DCAF8L2: variants seen among roughly 807,000 people sequenced by gnomAD.
DCAF8L2 encodes the protein DDB1 and CUL4 associated factor 8 like 2.
For synonymous variants in DCAF8L2, 200 were observed against 190.9 expected, an observed-to-expected ratio of 1.05 and a Z score of -0.39; for missense variants, 430 against 490.7, an observed-to-expected ratio of 0.88 and a Z score of 1.17.
intron 1 of DCAF8L2, among the ~76,000 whole-genome samples, chrX:27,592,411 GTTTTTGTTTTT>G (rs1271493206): frequency 1.2e-4 from 6 of 51,647 alleles, no homozygotes; most frequent in Non-Finnish European, 2.1e-4. Flanking sequence ...TTTTTTGTTT[GTTTTTGTTTTT>G]TTTTTTTTTG....
chrX:27,601,902 A>G (rs1267901888), intron 1 of DCAF8L2, among the ~76,000 whole-genome samples: 1 of 111,366 alleles, frequency 9.0e-6, no homozygotes, highest in African/African-American at 3.3e-5. Context: ...GGAAGGCACC[A>G]GCAAAGAAAC....
At chrX:27,603,451 A>G (rs1236589509) in intron 1 of DCAF8L2, among the ~76,000 whole-genome samples, 1 of 111,690 alleles carries the variant, frequency 9.0e-6, no homozygotes, top group Non-Finnish European at 1.9e-5. Context: ...TTCTCCACTT[A>G]TTCAACCAAA....
the DCAF8L2 span, among the ~76,000 whole-genome samples, chrX:27,576,661 G>T: frequency 1.8e-5 from 2 of 111,772 alleles, no homozygotes; most frequent in Non-Finnish European, 3.8e-5. Context: ...AAATAAGCCA[G>T]TGCAAAAATA....
chrX:27,618,998 AT>A (rs1478080102), intron 1 of DCAF8L2, among the ~76,000 whole-genome samples: 6 of 79,561 alleles, frequency 7.5e-5, no homozygotes, highest in African/African-American at 2.6e-4. Flanking sequence ...ATCTATATCT[AT>A]ATCTAATCTA....
At chrX:27,701,255 T>A (rs1202126967) in intron 3 of DCAF8L2, among the ~76,000 whole-genome samples, 1 of 111,519 alleles carries the variant, frequency 9.0e-6, no homozygotes, top group Non-Finnish European at 1.9e-5. Context: ...AAGATTATCA[T>A]GGCATTGTAT....
intron 1 of DCAF8L2, among the ~76,000 whole-genome samples, chrX:27,603,867 A>G (rs758835015): frequency 8.9e-5 from 10 of 111,965 alleles, no homozygotes; most frequent in African/African-American, 9.7e-5. Context: ...ACTCATTGAC[A>G]TGTTGAGAGA....
intron 4 of DCAF8L2, among the ~76,000 whole-genome samples, chrX:27,717,733 A>C (rs1313823793): frequency 1.8e-5 from 2 of 112,096 alleles, no homozygotes; most frequent in Non-Finnish European, 1.9e-5. Flanking sequence ...CTTTAATTAG[A>C]TATCATTTGT....
At chrX:27,697,394 G>A (rs1185705108) in intron 3 of DCAF8L2, among the ~76,000 whole-genome samples, 2 of 111,316 alleles carry the variant, frequency 1.8e-5, no homozygotes, top group Non-Finnish European at 3.8e-5. Context: ...GGGGATTGGG[G>A]AAATGAGAAT....
chrX:27,495,220 T>C, the DCAF8L2 span, among the ~76,000 whole-genome samples: 1 of 112,098 alleles, frequency 8.9e-6, no homozygotes, highest in Non-Finnish European at 1.9e-5. Flanking sequence ...TGATCAAAAA[T>C]GAATAGATGT....
At chrX:27,731,053 C>T (rs746293807) in intron 4 of DCAF8L2, among the ~76,000 whole-genome samples, 3 of 110,773 alleles carry the variant, frequency 2.7e-5, no homozygotes, top group Admixed American at 9.7e-5. Flanking sequence ...AGCCAGTTTG[C>T]GCTGCTGTAA....
intron 1 of DCAF8L2, among the ~76,000 whole-genome samples, chrX:27,627,073 CAAA>C (rs766269451): frequency 3.3e-5 from 1 of 30,704 alleles, no homozygotes; most frequent in Non-Finnish European, 6.8e-5. Context: ...ATGTTAAGAC[CAAA>C]AAAAAAAAAA....
At chrX:27,658,146 C>T (rs770282920) in intron 2 of DCAF8L2, among the ~76,000 whole-genome samples, 2 of 111,921 alleles carry the variant, frequency 1.8e-5, no homozygotes, top group Admixed American at 1.9e-4. Context: ...TACTTGAATC[C>T]GAAAAGTAAG....
At chrX:27,650,151 T>C (rs925650064) in intron 2 of DCAF8L2, among the ~76,000 whole-genome samples, 7 of 111,650 alleles carry the variant, frequency 6.3e-5, no homozygotes, top group African/African-American at 2.3e-4. Context: ...TCCATTGGTC[T>C]ATGTGTCTGT....
intron 1 of DCAF8L2, among the ~76,000 whole-genome samples, chrX:27,628,691 C>T (rs1218472693): frequency 9.2e-6 from 1 of 109,096 alleles, no homozygotes; most frequent in Non-Finnish European, 1.9e-5. Context: ...GCAAGCTCCG[C>T]CTCCCGGGTT....
intron 1 of DCAF8L2, among the ~76,000 whole-genome samples, chrX:27,612,263 T>C (rs188009682): frequency 1.8e-3 from 201 of 112,067 alleles, no homozygotes; most frequent in African/African-American, 6.4e-3. Flanking sequence ...GTGTCTGTTC[T>C]TATCCTTTGC....
intron 1 of DCAF8L2, among the ~76,000 whole-genome samples, chrX:27,615,676 A>G (rs1927439478): frequency 9.0e-6 from 1 of 111,138 alleles, no homozygotes; most frequent in African/African-American, 3.3e-5. Context: ...TTCTAATAAA[A>G]ATAAAACTTT....
chrX:27,717,018 A>G (rs1406063675), intron 4 of DCAF8L2, among the ~76,000 whole-genome samples: 1 of 112,151 alleles, frequency 8.9e-6, no homozygotes, highest in East Asian at 2.8e-4. Flanking sequence ...TTTGCTGAGG[A>G]TAATGGCTTC....
intron 2 of DCAF8L2, among the ~76,000 whole-genome samples, chrX:27,639,969 A>C (rs1156317344): frequency 4.6e-5 from 5 of 109,266 alleles, no homozygotes; most frequent in African/African-American, 1.7e-4. Context: ...TTCAAGTTCT[A>C]GGGTACATAT....
At chrX:27,726,623 C>T (rs1932079820) in intron 4 of DCAF8L2, among the ~76,000 whole-genome samples, 1 of 111,426 alleles carries the variant, frequency 9.0e-6, no homozygotes, top group South Asian at 3.8e-4. Context: ...TGCCTTCCAA[C>T]AACAGATTAT....
Sources: gnomAD v4.1 joint callset for allele counts (sites outside exome capture counted in the v4.1 genomes callset) on GRCh38, gnomAD v4.1.1 for gene constraint, MANE v1.5 for transcripts, NCBI Gene and HGNC (gene_info 2026-07-23, HGNC 2026-07-21) for gene names.